DOCK1: variants seen among roughly 807,000 people sequenced by gnomAD.
DOCK1 encodes dedicator of cytokinesis 1.
A neutral mutation model predicts 262.7 loss-of-function variants in DOCK1; 138 were observed. The ratio of observed to expected loss-of-function variants is 0.53; its 90% CI spans 0.46 to 0.61. The LOEUF is 0.61. Ranked by LOEUF, DOCK1 falls within the 20% of genes least tolerant of loss-of-function variation. The pLI is 0.00. For missense variants in DOCK1, 1,908 were observed against 2,370.7 expected, an observed-to-expected ratio of 0.80 and a Z score of 4.05; for synonymous variants, 866 against 867.4, an observed-to-expected ratio of 1.00 and a Z score of 0.03.
intron 27 of DOCK1, among the ~76,000 whole-genome samples, chr10:127,169,638 A>G (rs1421205859): frequency 6.6e-6 from 1 of 152,172 alleles, no homozygotes; most frequent in African/African-American, 2.4e-5. Flanking sequence ...TTCAGGATAC[A>G]ATGGCAGAGT....
intron 31 of DOCK1, among the ~76,000 whole-genome samples, chr10:127,350,310 C>T (rs113520690): frequency 1.4e-4 from 21 of 151,930 alleles, no homozygotes; most frequent in African/African-American, 2.2e-4. Context: ...CGGTGCACCC[C>T]TCACCCCCTG....
intron 27 of DOCK1, among the ~76,000 whole-genome samples, chr10:127,177,309 T>C (rs1429437012): frequency 6.6e-6 from 1 of 152,182 alleles, no homozygotes; most frequent in Non-Finnish European, 1.5e-5. Flanking sequence ...GGCTGAATTA[T>C]TAAATGCAGC....
chr10:127,018,003 C>T (rs1194598624), intron 12 of DOCK1, among the ~76,000 whole-genome samples: 1 of 152,198 alleles, frequency 6.6e-6, no homozygotes, highest in Non-Finnish European at 1.5e-5. Flanking sequence ...ACACATAGAC[C>T]CCACCGGGTT....
At chr10:127,324,871 G>C (rs1034404565) in intron 29 of DOCK1, among the ~76,000 whole-genome samples, 5 of 152,180 alleles carry the variant, frequency 3.3e-5, no homozygotes, top group African/African-American at 1.2e-4. Context: ...AAGCAAATGA[G>C]AAAGTATTCT....
chr10:127,298,378 C>T (rs1249981627), intron 29 of DOCK1, among the ~76,000 whole-genome samples: 1 of 152,154 alleles, frequency 6.6e-6, no homozygotes, highest in Non-Finnish European at 1.5e-5. Context: ...AATTTATTTG[C>T]ATTTTCAGTA....
intron 29 of DOCK1, among the ~76,000 whole-genome samples, chr10:127,307,741 G>A (rs1051888675): frequency 3.3e-5 from 5 of 152,188 alleles, no homozygotes; most frequent in Non-Finnish European, 7.3e-5. Context: ...GCACATCCTG[G>A]TGTGAACGCC....
At chr10:127,136,269 G>C (rs895111422) in intron 27 of DOCK1, 3 of 152,018 alleles carry the variant, frequency 2.0e-5, no homozygotes, top group African/African-American at 7.2e-5. Context: ...CAGATTTGCT[G>C]TTGAGTCAGG....
intron 9 of DOCK1, among the ~76,000 whole-genome samples, chr10:126,999,746 G>A (rs567871614): frequency 6.6e-6 from 1 of 152,168 alleles, no homozygotes; most frequent in Non-Finnish European, 1.5e-5. Context: ...GCGTGATCTC[G>A]GCTCACTGCA....
chr10:127,110,168 C>T (rs2048778698), intron 24 of DOCK1, 80 bp from the exon 25 acceptor site: 4 of 1,162,032 alleles, frequency 3.4e-6, no homozygotes, highest in East Asian at 5.1e-5. Flanking sequence ...CATGTGATGA[C>T]CTATATCTCA....
At chr10:127,328,943 A>G (rs919900116) in intron 29 of DOCK1, among the ~76,000 whole-genome samples, 1 of 151,172 alleles carries the variant, frequency 6.6e-6, no homozygotes, top group African/African-American at 2.4e-5. Context: ...ATATATATAA[A>G]TAAATATTAT....
intron 29 of DOCK1, among the ~76,000 whole-genome samples, chr10:127,264,725 A>T (rs979255349): frequency 6.6e-6 from 1 of 151,966 alleles, no homozygotes; most frequent in Admixed American, 6.6e-5. Context: ...CAGTGGCAGG[A>T]TCATGGCTCA....
chr10:127,112,058 C>G (rs57682553), intron 25 of DOCK1, among the ~76,000 whole-genome samples: 6,454 of 150,910 alleles, frequency 0.043, 488 homozygotes, highest in African/African-American at 0.15. Flanking sequence ...GTTGCCGAGG[C>G]TGGAGTGCAA....
At chr10:127,184,732 C>G (rs1159719909) in intron 27 of DOCK1, among the ~76,000 whole-genome samples, 2 of 152,216 alleles carry the variant, frequency 1.3e-5, no homozygotes, top group Non-Finnish European at 2.9e-5. Flanking sequence ...TGGTCAGTCT[C>G]TACTTTGTGT....
intron 27 of DOCK1, among the ~76,000 whole-genome samples, chr10:127,199,283 A>T (rs1236766694): frequency 6.6e-6 from 1 of 152,108 alleles, no homozygotes; most frequent in East Asian, 1.9e-4. Context: ...TTCTTCTTGG[A>T]ATTGTGCAGG....
intron 39 of DOCK1, among the ~76,000 whole-genome samples, chr10:127,403,487 C>T (rs1358458737): frequency 6.6e-6 from 1 of 152,220 alleles, no homozygotes; most frequent in Non-Finnish European, 1.5e-5. Flanking sequence ...AGGCCAGGCG[C>T]ACTGGCTCAC....
In DOCK1 at chr10:127,010,709, A is replaced by AG. The variant is rs576142206; in HGVS notation, c.1059-1519dup. On this transcript the variant is annotated intron_variant, in intron 11 of 51. Transcript: ENST00000623213. ...AATCTGGAAGTTTCCTTAGCAAACA[A>AG]GGGGAACAGTATCATGGAACATGGG... Among the ~76,000 whole-genome samples, 203 of 152,340 alleles carry AG rather than the reference A, an allele frequency of 1.3e-3. 1 individual carries two copies. The highest frequency in any genetic ancestry group is 3.4e-3 in the Middle Eastern group (1 of 294).
chr10:127,400,752 A>G (rs960702089), intron 38 of DOCK1, among the ~76,000 whole-genome samples: 4 of 152,230 alleles, frequency 2.6e-5, no homozygotes, highest in Admixed American at 6.5e-5. Flanking sequence ...TGATGGCAGT[A>G]AAAGAGATCT....
chr10:127,092,063 A>C (rs1185431537), intron 23 of DOCK1, among the ~76,000 whole-genome samples: 1 of 152,174 alleles, frequency 6.6e-6, no homozygotes, highest in African/African-American at 2.4e-5. Flanking sequence ...TTTCTCAGTC[A>C]CCCTACCTGT....
chr10:127,230,875 C>T (rs1013558610), intron 27 of DOCK1, among the ~76,000 whole-genome samples: 3 of 151,858 alleles, frequency 2.0e-5, no homozygotes, highest in East Asian at 1.9e-4. Flanking sequence ...ATAGGACTTG[C>T]GTTGGATCTG....
Sources: allele counts gnomAD v4.1 joint callset (sites outside exome capture counted in the v4.1 genomes callset), GRCh38; gene constraint gnomAD v4.1.1; transcripts MANE v1.5; gene names NCBI Gene and HGNC (gene_info 2026-07-23, HGNC 2026-07-21).